CSMD1: variants seen among roughly 807,000 people sequenced by gnomAD.
CSMD1 encodes the protein CUB and sushi domain-containing protein 1.
A neutral mutation model predicts 417.5 loss-of-function variants in CSMD1; 213 were observed. The ratio of observed to expected loss-of-function variants is 0.51; its 90% CI spans 0.46 to 0.57. CSMD1 has a LOEUF of 0.57. CSMD1 is among the 20% of genes least tolerant of loss of function. The pLI, the probability that CSMD1 is intolerant of heterozygous loss-of-function variation, is 0.00. For missense variants in CSMD1, 6,923 were observed against 4,529.7 expected (o/e 1.53, Z -15.17); for synonymous variants, 2,862 against 1,736.8 (o/e 1.65, Z -16.11).
intron 1 of CSMD1, among the ~76,000 whole-genome samples, chr8:4,678,237 C>A (rs558063032): frequency 6.6e-6 from 1 of 151,804 alleles, no homozygotes; most frequent in Admixed American, 6.6e-5. Flanking sequence ...CTGGTGAAAC[C>A]CTGTCTCTAA....
chr8:2,965,333 C>A (rs189436891), intron 59 of CSMD1, among the ~76,000 whole-genome samples: 1 of 152,192 alleles, frequency 6.6e-6, no homozygotes, highest in African/African-American at 2.4e-5. Context: ...TGAAACATCA[C>A]GGTGCTAACA....
chr8:3,094,263 G>A (rs1362394956), intron 47 of CSMD1, among the ~76,000 whole-genome samples: 7 of 151,920 alleles, frequency 4.6e-5, no homozygotes, highest in East Asian at 1.9e-4. Context: ...CTGCCACCGC[G>A]CCCAGCTAAC....
chr8:4,471,605 C>G (rs557373082), intron 2 of CSMD1, among the ~76,000 whole-genome samples: 9 of 151,968 alleles, frequency 5.9e-5, no homozygotes, highest in African/African-American at 2.2e-4. Flanking sequence ...AGAAAACAAC[C>G]CAGAACATTA....
intron 5 of CSMD1, among the ~76,000 whole-genome samples, chr8:3,936,589 G>T (rs931237816): frequency 1.3e-5 from 2 of 152,110 alleles, no homozygotes; most frequent in African/African-American, 4.8e-5. Flanking sequence ...TTATAGCATG[G>T]TTTACTGAAT....
At chr8:4,636,541 T>C (rs1039405987) in intron 2 of CSMD1, among the ~76,000 whole-genome samples, 3 of 152,216 alleles carry the variant, frequency 2.0e-5, no homozygotes, top group Non-Finnish European at 4.4e-5. Context: ...TCTGATTAGC[T>C]GAATTGTACT....
intron 5 of CSMD1, among the ~76,000 whole-genome samples, chr8:3,981,286 T>C (rs1813841255): frequency 1.3e-5 from 2 of 152,076 alleles, no homozygotes; most frequent in South Asian, 4.1e-4. Context: ...ATGTGGGAGC[T>C]AAGCTATGAG....
chr8:3,437,843 G>A (rs1814673137), intron 12 of CSMD1, among the ~76,000 whole-genome samples: 1 of 151,674 alleles, frequency 6.6e-6, no homozygotes, highest in African/African-American at 2.4e-5. Flanking sequence ...AGCCTCCTGT[G>A]TTCAAGCAAT....
chr8:4,604,352 A>G (rs1423960565), intron 2 of CSMD1, among the ~76,000 whole-genome samples: 2 of 148,614 alleles, frequency 1.3e-5, no homozygotes, highest in South Asian at 2.1e-4. Flanking sequence ...ATAATATATT[A>G]TTCTAGTCTT....
intron 10 of CSMD1, among the ~76,000 whole-genome samples, chr8:3,572,084 G>C (rs1799967929): frequency 6.6e-6 from 1 of 152,130 alleles, no homozygotes; most frequent in African/African-American, 2.4e-5. Flanking sequence ...GTCCCTGCAG[G>C]CATTTGGCTC....
intron 5 of CSMD1, among the ~76,000 whole-genome samples, chr8:3,783,137 G>A (rs77023335): frequency 0.048 from 7,305 of 152,254 alleles, 243 homozygotes; most frequent in Middle Eastern, 0.089. Context: ...TCCAGAAGGA[G>A]ATTATTTTTG....
chr8:3,292,344 C>T (rs62503427), intron 25 of CSMD1, among the ~76,000 whole-genome samples: 26,270 of 151,866 alleles, frequency 0.17, 2,825 homozygotes, highest in Non-Finnish European at 0.25. Flanking sequence ...CTATTAGGTC[C>T]GCTTGGTGCA....
At chr8:3,735,506 G>T (rs982262360) in intron 6 of CSMD1, among the ~76,000 whole-genome samples, 5 of 152,186 alleles carry the variant, frequency 3.3e-5, no homozygotes, top group Non-Finnish European at 4.4e-5. Context: ...CTGTGTATTA[G>T]CTACTGATTC....
intron 1 of CSMD1, among the ~76,000 whole-genome samples, chr8:4,648,481 G>T (rs1456308422): frequency 6.6e-6 from 1 of 152,076 alleles, no homozygotes; most frequent in Admixed American, 6.5e-5. Flanking sequence ...CACCATGCAT[G>T]CATGCACACA....
At chr8:3,890,769 T>G (rs143282991) in intron 5 of CSMD1, among the ~76,000 whole-genome samples, 1 of 152,282 alleles carries the variant, frequency 6.6e-6, no homozygotes, top group East Asian at 1.9e-4. Flanking sequence ...TGCTAATGTT[T>G]GAGCAAATTT....
intron 1 of CSMD1, among the ~76,000 whole-genome samples, chr8:4,891,756 T>C (rs1804139359): frequency 6.6e-6 from 1 of 152,086 alleles, no homozygotes; most frequent in Admixed American, 6.5e-5. Flanking sequence ...TTCCCAAAAC[T>C]CCCTAGTTAT....
rs1801649572 is a variant in CSMD1, at chr8:2,938,531, C to T, written c.*54G>A. The stretch of plus-strand genomic sequence containing the variant: ...GTGGTATATGGCACCAAAGGAATCA[C>T]TGCTTGTCCATCAGAGGTATGGCTA... On this transcript the variant is annotated 3_prime_UTR_variant, in exon 70 of 70. Coordinates refer to ENST00000635120, the MANE Select transcript of CSMD1 (RefSeq NM_033225.6). 10 of 1,542,142 alleles carry T rather than the reference C, an allele frequency of 6.5e-6. No homozygotes were observed. In the South Asian group the frequency reaches 1.1e-4, roughly 17 times the overall value.
At chr8:4,410,210 G>C (rs188857872) in intron 3 of CSMD1, among the ~76,000 whole-genome samples, 2 of 152,306 alleles carry the variant, frequency 1.3e-5, no homozygotes, top group Admixed American at 6.5e-5. Context: ...GAACCAAACA[G>C]TTTAGGTAAC....
intron 23 of CSMD1, among the ~76,000 whole-genome samples, chr8:3,324,281 A>C (rs1333213714): frequency 7.4e-6 from 1 of 135,468 alleles, no homozygotes; most frequent in Admixed American, 7.3e-5. Context: ...AAAATAGGCC[A>C]CACCTAACCC....
chr8:4,120,329 T>G (rs1802411780), intron 3 of CSMD1, among the ~76,000 whole-genome samples: 1 of 152,220 alleles, frequency 6.6e-6, no homozygotes, highest in Non-Finnish European at 1.5e-5. Flanking sequence ...ATTGATTACT[T>G]AGCTATAAGA....
Sources: allele counts gnomAD v4.1 joint callset (sites outside exome capture counted in the v4.1 genomes callset), GRCh38; gene constraint gnomAD v4.1.1; transcripts MANE v1.5; gene names NCBI Gene and HGNC (gene_info 2026-07-23, HGNC 2026-07-21).